The following DTNB variants were observed in gnomAD, a reference collection of about 807,000 sequenced individuals.
DTNB encodes the protein dystrobrevin beta.
Under a neutral mutation model 90.7 loss-of-function variants are expected in DTNB, and 63 were observed. The ratio of observed to expected loss-of-function variants is 0.69; its 90% CI spans 0.57 to 0.86. The LOEUF (loss-of-function observed/expected upper bound fraction) is 0.86, where lower values mean the gene tolerates loss of function less well. DTNB is among the 40% of genes least tolerant of loss of function. DTNB has a pLI of 0.00. For synonymous variants in DTNB, 277 were observed against 286.7 expected, an observed-to-expected ratio of 0.97 and a Z score of 0.34; for missense variants, 744 against 807.1, an observed-to-expected ratio of 0.92 and a Z score of 0.95.
rs142148170 is a variant in DTNB at position 25,668,500 on chromosome 2, T to A, written c.-2+4886A>T. Among the ~76,000 whole-genome samples, 267 of 152,344 alleles carry A rather than the reference T, an allele frequency of 1.8e-3. 5 individuals carry two copies. In the East Asian group the frequency reaches 0.046, roughly 26 times the overall value. On this transcript the variant is annotated intron_variant, in intron 1 of 20. Coordinates refer to ENST00000406818, the MANE Select transcript of DTNB (RefSeq NM_021907.5). ...GCAGTCATGCCATGTAAATGATACA[T>A]GACATTACGCACTTGTCAAAACCCA...
intron 8 of DTNB, among the ~76,000 whole-genome samples, chr2:25,563,368 T>C (rs991164199): frequency 2.0e-5 from 3 of 152,256 alleles, no homozygotes; most frequent in Admixed American, 6.5e-5. Context: ...CCTTATCAGA[T>C]ACATGATTTG....
chr2:25,401,359 A>C (rs879358591), intron 16 of DTNB, among the ~76,000 whole-genome samples: 1 of 152,236 alleles, frequency 6.6e-6, no homozygotes, highest in Non-Finnish European at 1.5e-5. Flanking sequence ...CTCTTGTTGG[A>C]GCCAAAACAG....
At chr2:25,564,636 C>T (rs572512830) in intron 8 of DTNB, among the ~76,000 whole-genome samples, 15 of 152,258 alleles carry the variant, frequency 9.9e-5, no homozygotes, top group Middle Eastern at 3.4e-3. Flanking sequence ...GACCCACCCA[C>T]CTGAGCCTCC....
intron 6 of DTNB, among the ~76,000 whole-genome samples, chr2:25,590,796 A>C (rs2063412452): frequency 6.6e-6 from 1 of 152,182 alleles, no homozygotes; most frequent in African/African-American, 2.4e-5. Context: ...TGGGACTAGC[A>C]GCCCGACCCC....
At chr2:25,561,747 CA>C (rs1237246376) in intron 8 of DTNB, among the ~76,000 whole-genome samples, 1 of 152,282 alleles carries the variant, frequency 6.6e-6, no homozygotes, top group African/African-American at 2.4e-5. Context: ...CTATGCCTTC[CA>C]CCATGATTGT....
intron 8 of DTNB, among the ~76,000 whole-genome samples, chr2:25,558,738 G>C (rs1224266289): frequency 1.3e-5 from 2 of 152,192 alleles, no homozygotes; most frequent in Middle Eastern, 3.2e-3. Context: ...AAACAACACA[G>C]TAGAATTGGG....
intron 5 of DTNB, among the ~76,000 whole-genome samples, chr2:25,603,055 C>T (rs1388835487): frequency 6.6e-6 from 1 of 152,122 alleles, no homozygotes; most frequent in Non-Finnish European, 1.5e-5. Context: ...TTAAAGCCTT[C>T]CTGATACATA....
At chr2:25,644,254 C>G (rs1471223976) in intron 2 of DTNB, among the ~76,000 whole-genome samples, 1 of 152,104 alleles carries the variant, frequency 6.6e-6, no homozygotes, top group Non-Finnish European at 1.5e-5. Flanking sequence ...TGCGTGAGAT[C>G]CAAGAGCCTT....
At chr2:25,668,799 AAC>A (rs2085126540) in intron 1 of DTNB, among the ~76,000 whole-genome samples, 1 of 152,252 alleles carries the variant, frequency 6.6e-6, no homozygotes, top group African/African-American at 2.4e-5. Flanking sequence ...AAGAAATGGA[AAC>A]AGAGACTTAA....
At chr2:25,403,520 C>T (rs989100972) in intron 16 of DTNB, among the ~76,000 whole-genome samples, 1 of 152,182 alleles carries the variant, frequency 6.6e-6, no homozygotes, top group Non-Finnish European at 1.5e-5. Context: ...GAATGCTGAA[C>T]ACTCAGATAG....
chr2:25,590,129 C>A (rs1412557774), intron 6 of DTNB, among the ~76,000 whole-genome samples: 1 of 152,230 alleles, frequency 6.6e-6, no homozygotes, highest in Non-Finnish European at 1.5e-5. Flanking sequence ...CCAGGAACCA[C>A]AGAGCCCCAA....
At chr2:25,499,106 A>G (rs1410135282) in intron 9 of DTNB, among the ~76,000 whole-genome samples, 2 of 151,404 alleles carry the variant, frequency 1.3e-5, no homozygotes, top group African/African-American at 4.9e-5. Context: ...AATCCCAGCT[A>G]CTCGGGAGGC....
At chr2:25,509,889 T>A (rs2073541802) in intron 9 of DTNB, among the ~76,000 whole-genome samples, 2 of 151,858 alleles carry the variant, frequency 1.3e-5, no homozygotes, top group Non-Finnish European at 2.9e-5. Context: ...TAGCTGGGAC[T>A]ACAGGCACGC....
intron 9 of DTNB, among the ~76,000 whole-genome samples, chr2:25,521,485 G>A (rs1396125171): frequency 6.6e-6 from 1 of 151,156 alleles, no homozygotes. Flanking sequence ...CCAGGCTCAA[G>A]CAATCCTCGT....
At chr2:25,482,430 G>A (rs1240103810) in intron 10 of DTNB, among the ~76,000 whole-genome samples, 2 of 152,056 alleles carry the variant, frequency 1.3e-5, no homozygotes, top group Non-Finnish European at 2.9e-5. Context: ...AATGATCTTT[G>A]ACAAAGAATT....
chr2:25,669,082 G>C (rs1231948762), intron 1 of DTNB, among the ~76,000 whole-genome samples: 1 of 152,138 alleles, frequency 6.6e-6, no homozygotes, highest in Non-Finnish European at 1.5e-5. Context: ...CGAATTCATA[G>C]AGACAGAAAG....
intron 5 of DTNB, among the ~76,000 whole-genome samples, chr2:25,601,284 C>T (rs1559188385): frequency 6.6e-6 from 1 of 152,206 alleles, no homozygotes; most frequent in African/African-American, 2.4e-5. Flanking sequence ...TTACTTCCCA[C>T]ATCCCCAGTT....
intron 3 of DTNB, among the ~76,000 whole-genome samples, chr2:25,631,787 C>T (rs2075813166): frequency 9.2e-5 from 14 of 152,040 alleles, no homozygotes; most frequent in Admixed American, 8.5e-4. Context: ...CAGATACAGA[C>T]AATTAAACTT....
chr2:25,388,628 G>A (rs1305482882), intron 16 of DTNB: 2 of 431,738 alleles, frequency 4.6e-6, no homozygotes, highest in Admixed American at 4.1e-5. Flanking sequence ...CTGGCACAGA[G>A]TGGTGGAGAC....
Sources: gnomAD v4.1 joint callset for allele counts (sites outside exome capture counted in the v4.1 genomes callset) on GRCh38, gnomAD v4.1.1 for gene constraint, MANE v1.5 for transcripts, NCBI Gene and HGNC (gene_info 2026-07-23, HGNC 2026-07-21) for gene names.